Variants in RNF10 observed in about 807,000 individuals in gnomAD.
RNF10 encodes the protein ring finger protein 10, also known as E3 ubiquitin-protein ligase RNF10.
RNF10 carries 38 observed loss-of-function variants against 91.4 expected under a neutral mutation model. That is an observed-to-expected ratio of 0.42 (90% confidence interval 0.32 to 0.54). The LOEUF (loss-of-function observed/expected upper bound fraction) is 0.54. RNF10 is among the 20% of genes least tolerant of loss of function. The pLI, the probability that RNF10 is intolerant of heterozygous loss-of-function variation, is 0.16. For missense variants in RNF10, 945 were observed against 1,012.0 expected (o/e 0.93, Z 0.90); for synonymous variants, 364 against 366.3 (o/e 0.99, Z 0.07).
chr12:120,536,683 G>T (rs575033306), intron 1 of RNF10, among the ~76,000 whole-genome samples: 1 of 152,134 alleles, frequency 6.6e-6, no homozygotes, highest in South Asian at 2.1e-4. Flanking sequence ...GGTCAGTGTT[G>T]GAACTGGTTT....
At chr12:120,561,031 A>G in intron 7 of RNF10, 145 bp downstream of exon 7, 2 of 861,584 alleles carry the variant, frequency 2.3e-6, no homozygotes, top group Non-Finnish European at 3.4e-6. Context: ...CATTTAAGAC[A>G]ATAAGCAGAG....
intron 2 of RNF10, among the ~76,000 whole-genome samples, chr12:120,550,962 A>T (rs1872960140): frequency 6.6e-6 from 1 of 152,024 alleles, no homozygotes; most frequent in Admixed American, 6.6e-5. Context: ...ACTGGATGGT[A>T]TACCACCAGT....
At chr12:120,562,267 C>CTTTTTTTTTTT (rs1174061958) in intron 7 of RNF10, among the ~76,000 whole-genome samples, 11 of 102,212 alleles carry the variant, frequency 1.1e-4, no homozygotes, top group Admixed American at 1.3e-4. Flanking sequence ...CTTTTTCTTT[C>CTTTTTTTTTTT]TTTCTTTTTT....
chr12:120,534,645 C>G lies in RNF10; in HGVS notation c.-167C>G. 7.4e-7 allele frequency: 1 copy of G among 1,350,094 alleles called. No homozygotes were observed. The highest frequency in any genetic ancestry group is 4.1e-5 in the Admixed American group (1 of 24,536). 83.6% of individuals were successfully genotyped at this position (1,350,094 alleles called of 1,614,324 possible). On this transcript the variant is annotated 5_prime_UTR_variant, in exon 1 of 17. Transcript: ENST00000325954. ...CCGGGCTTAACAGCCCCGTCCGCCGCTTCTCTTCCTAGTTTGAGAAGCCAA... is the reference window on the plus strand; with the variant it reads ...CCGGGCTTAACAGCCCCGTCCGCCGGTTCTCTTCCTAGTTTGAGAAGCCAA...
intron 2 of RNF10, 48 bp from the exon 3 acceptor site, chr12:120,552,451 T>A (rs760298941): frequency 1.3e-6 from 2 of 1,504,828 alleles, no homozygotes; most frequent in Non-Finnish European, 1.8e-6. Context: ...CTGCTATAAA[T>A]CAGTGTCATC....
At chr12:120,562,837 C>T in intron 7 of RNF10, 108 bp from the exon 8 acceptor site, 2 of 1,372,784 alleles carry the variant, frequency 1.5e-6, no homozygotes, top group Non-Finnish European at 2.1e-6. Context: ...GGTCTCATTG[C>T]CTTTTAACTT....
chr12:120,550,006 G>C (rs1400236193), intron 2 of RNF10, among the ~76,000 whole-genome samples: 1 of 152,062 alleles, frequency 6.6e-6, no homozygotes, highest in African/African-American at 2.4e-5. Flanking sequence ...GGTTGTGGTT[G>C]TTGGTCTAGA....
intron 1 of RNF10, among the ~76,000 whole-genome samples, chr12:120,535,768 C>T (rs1870684697): frequency 1.3e-5 from 2 of 152,026 alleles, no homozygotes; most frequent in Non-Finnish European, 2.9e-5. Flanking sequence ...ATATTATGAC[C>T]ATGTTGATAA....
chr12:120,577,243 C>A lies in RNF10; in HGVS notation c.*577C>A. 4.6e-6 allele frequency: 2 copies of A among 439,436 alleles called. No individual in the cohort carries two copies. Among genetic ancestry groups the A allele is most frequent in the South Asian group, 1.6e-5 (1 of 61,296 alleles). The allele number at this position is 439,436 out of a possible 1,614,324, so 27.2% of individuals were successfully genotyped here. ...TGCCAGCTTAATGGAGTAGGCTGTC[C>A]TTGGCACTTGCATGTGTGAAAGGAG... On this transcript the variant is annotated 3_prime_UTR_variant, in exon 17 of 17. Transcript: ENST00000325954.
intron 8 of RNF10, 98 bp downstream of exon 8, chr12:120,563,168 G>A (rs1875155704): frequency 3.2e-6 from 5 of 1,556,862 alleles, no homozygotes; most frequent in Non-Finnish European, 4.4e-6. Context: ...CAAGAGAAGA[G>A]GGGACAATGA....
At chr12:120,555,632 C>A (rs1332471993) in intron 4 of RNF10, among the ~76,000 whole-genome samples, 3 of 151,934 alleles carry the variant, frequency 2.0e-5, no homozygotes, top group Non-Finnish European at 4.4e-5. Context: ...GGACTACAGG[C>A]ACGCACCACC....
Position 120,534,579 on chromosome 12 carries a change from C to CTCCCG in RNF10, c.-232_-228dup, listed in dbSNP as rs1489421579. ...TCCGCCCCGCCAGGCCCGGCCCGGA[C>CTCCCG]TCCCGAGCCCCGGCCTCCTCGTCCT... On this transcript the variant is annotated 5_prime_UTR_variant, in exon 1 of 17. Coordinates refer to ENST00000325954, the MANE Select transcript of RNF10 (RefSeq NM_014868.5). 5 of 977,452 alleles carry CTCCCG rather than the reference C, an allele frequency of 5.1e-6. No individual in the cohort carries two copies. The highest frequency in any genetic ancestry group is 4.5e-5 in the Admixed American group (1 of 21,988). The allele number at this position is 977,452 out of a possible 1,614,324, so 60.5% of individuals were successfully genotyped here. A position where few individuals can be genotyped will look rare whatever the true frequency, so the allele number is the denominator to read the frequency against.
intron 14 of RNF10, among the ~76,000 whole-genome samples, chr12:120,572,101 C>A (rs1340723283): frequency 6.6e-6 from 1 of 151,800 alleles, no homozygotes; most frequent in Non-Finnish European, 1.5e-5. Flanking sequence ...CGGAGTCTCC[C>A]TGTCCCCCAG....
chr12:120,572,362 G>A (rs1012015451), intron 14 of RNF10, among the ~76,000 whole-genome samples: 6 of 151,980 alleles, frequency 3.9e-5, no homozygotes, highest in Non-Finnish European at 7.4e-5. Context: ...CACCATGCCC[G>A]GCCATTGACA....
rs538337097 is a variant in RNF10 at position 120,546,430 on chromosome 12, G to A, written c.183G>A (p.Lys61=). Residue 61 remains lysine, a synonymous_variant, in exon 2 of 17, where the codon AAG becomes AAA. Transcript: ENST00000325954. ...KSDGKNSSGS[K]RYNRKRELSY... The stretch of plus-strand genomic sequence containing the variant: ...ATGGAAAGAACTCCAGTGGATCCAA[G>A]CGTTATAATCGCAAACGTGAACTTT... The A allele has an allele frequency of 1.9e-6, 3 of 1,613,482 alleles. No homozygotes were observed. Among genetic ancestry groups the A allele is most frequent in the South Asian group, 1.1e-5 (1 of 91,046 alleles).
chr12:120,563,975 G>C, intron 10 of RNF10, 32 bp downstream of exon 10: 3 of 1,613,636 alleles, frequency 1.9e-6, no homozygotes, highest in Non-Finnish European at 2.5e-6. Context: ...GGAGGGTCAG[G>C]CAGCAGTATT....
In RNF10 at chr12:120,557,363, ATCT is replaced by A. The variant is rs1182009919; in HGVS notation, c.731_733del (p.Phe244del). On this transcript the variant is annotated inframe_deletion, in exon 5 of 17. Coordinates refer to ENST00000325954, the MANE Select transcript of RNF10 (RefSeq NM_014868.5). ...AGCCAAGATAACCCGTTGTGGACACATCTTCTGCTGGGCATGCATCCTGCACTA... is the reference window on the plus strand; with the variant it reads ...AGCCAAGATAACCCGTTGTGGACACATCTGCTGGGCATGCATCCTGCACTA... 1.2e-6 allele frequency: 2 copies of A among 1,614,186 alleles called. No individual in the cohort carries two copies. Among genetic ancestry groups the A allele is most frequent in the South Asian group, 1.1e-5 (1 of 91,088 alleles).
intron 2 of RNF10, among the ~76,000 whole-genome samples, chr12:120,552,041 G>A (rs1166652548): frequency 8.5e-5 from 12 of 141,044 alleles, no homozygotes; most frequent in South Asian, 2.3e-4. Flanking sequence ...CTGAGGTCGC[G>A]CCACTGCACT....
intron 2 of RNF10, among the ~76,000 whole-genome samples, chr12:120,551,225 A>G (rs1873004998): frequency 6.8e-6 from 1 of 147,292 alleles, no homozygotes; most frequent in African/African-American, 2.5e-5. Flanking sequence ...GCCTCAAATG[A>G]TCCTCCCTCC....
Sources: gnomAD v4.1 joint callset for allele counts (sites outside exome capture counted in the v4.1 genomes callset) on GRCh38, gnomAD v4.1.1 for gene constraint, MANE v1.5 for transcripts, NCBI Gene and HGNC (gene_info 2026-07-23, HGNC 2026-07-21) for gene names.